The following RPS3 variants were observed in gnomAD, a reference collection of about 807,000 sequenced individuals.
The protein encoded by RPS3 is small ribosomal subunit protein uS3.
Under a neutral mutation model 25.8 loss-of-function variants are expected in RPS3, and 2 were observed. That is an observed-to-expected ratio of 0.08 (90% CI 0.03 to 0.24). The LOEUF (loss-of-function observed/expected upper bound fraction) is 0.24, where lower values mean the gene tolerates loss of function less well. Ranked by LOEUF, RPS3 falls within the 10% of genes least tolerant of loss-of-function variation. RPS3 has a pLI of 1.00. For synonymous variants in RPS3, 114 were observed against 114.2 expected, an observed-to-expected ratio of 1.00 and a Z score of 0.01; for missense variants, 107 against 307.1, an observed-to-expected ratio of 0.35 and a Z score of 4.87.
chr11:75,417,539 G>C (rs924024210), intron 6 of RPS3, among the ~76,000 whole-genome samples: 2 of 152,258 alleles, frequency 1.3e-5, no homozygotes, highest in Non-Finnish European at 2.9e-5. Context: ...GGAGGTTACA[G>C]TGAGCCGAGA....
At chr11:75,411,351 A>G (rs989897367), downstream of RPS3, among the ~76,000 whole-genome samples, 8 of 152,028 alleles carry the variant, frequency 5.3e-5, no homozygotes, top group African/African-American at 1.9e-4. Context: ...CCTAGACAGT[A>G]TAATGAAAAG....
chr11:75,420,271 G>C (rs1229469623), intron 6 of RPS3, among the ~76,000 whole-genome samples: 2 of 152,178 alleles, frequency 1.3e-5, no homozygotes, highest in Non-Finnish European at 2.9e-5. Context: ...AGCACACCTG[G>C]GGTGTCACCT....
In RPS3 at chr11:75,417,563, T is replaced by C. The variant is rs187089192; in HGVS notation, c.*4-4164T>C. Among the ~76,000 whole-genome samples the C allele has an allele frequency of 1.5e-3, 224 of 152,250 alleles. 1 individual carries two copies. The highest frequency in any genetic ancestry group is 6.8e-3 in the Middle Eastern group (2 of 294). ...AGTGAGCCGAGATCGCGCCACTGCA[T>C]TCCAGCCTGGGTGACAGAGTGAGAC... On this transcript the variant is annotated intron_variant, in intron 6 of 6. Transcript: ENST00000527446.
intron 4 of RPS3, chr11:75,403,382 T>C (rs1428733983): frequency 1.3e-5 from 2 of 152,248 alleles, no homozygotes; most frequent in African/African-American, 2.4e-5. Flanking sequence ...GGTGGACCAT[T>C]ATACCACCTC....
intron 2 of RPS3, among the ~76,000 whole-genome samples, chr11:75,401,065 G>A (rs903311460): frequency 1.3e-5 from 2 of 152,092 alleles, no homozygotes. Flanking sequence ...TGTGTTTTTA[G>A]TAGAGTTGGG....
rs146111650 is a variant in RPS3, at chr11:75,404,745, G to C, written c.612G>C (p.Leu204=). The C allele has an allele frequency of 2.5e-6, 4 of 1,613,296 alleles. No homozygotes were observed. In the African/African-American group the frequency reaches 4.0e-5, roughly 16 times the overall value. Residue 204 remains leucine, a synonymous_variant, in exon 6 of 7, where the codon CTG becomes CTC. Transcript: ENST00000531188. The surrounding 1 kb of genome is among the most constrained non-coding windows in gnomAD (Gnocchi z 4.6). The part of the protein sequence containing the change: ...PTGKIGPKKP[L]PDHVSIVEPK... ...GTAAGATTGGCCCTAAGAAGCCCCT[G>C]CCTGACCACGTGAGCATTGTGGAAC...
chr11:75,403,978 T>G (rs1312342788), intron 4 of RPS3, 42 bp from the exon 5 acceptor site: 1 of 1,570,484 alleles, frequency 6.4e-7, no homozygotes. Context: ...TTGGTGGAGG[T>G]CCTTGGCAAT....
At chr11:75,410,077 C>T (rs1200031022), downstream of RPS3, among the ~76,000 whole-genome samples, 1 of 141,936 alleles carries the variant, frequency 7.0e-6, no homozygotes, top group Non-Finnish European at 1.5e-5. Flanking sequence ...GCTGACCCCC[C>T]CCTCCCCCCT....
At chr11:75,418,076 A>G (rs1008140351) in intron 6 of RPS3, among the ~76,000 whole-genome samples, 3 of 152,210 alleles carry the variant, frequency 2.0e-5, no homozygotes, top group African/African-American at 7.2e-5. Context: ...GGGTGTTTGC[A>G]GCCTCACAGC....
intron 6 of RPS3, among the ~76,000 whole-genome samples, chr11:75,413,821 G>A (rs1948376551): frequency 6.6e-6 from 1 of 152,158 alleles, no homozygotes; most frequent in African/African-American, 2.4e-5. Context: ...GTATCTGCAA[G>A]CAAAAGAAGA....
chr11:75,414,753 G>A (rs1948383139), intron 6 of RPS3, among the ~76,000 whole-genome samples: 1 of 152,266 alleles, frequency 6.6e-6, no homozygotes. Context: ...GGCAAGGAGA[G>A]AACACCTGCT....
rs111486717 is a variant in RPS3, at chr11:75,399,580, G to A, written c.30+3G>A. The stretch of plus-strand genomic sequence containing the variant: ...TGCAAATATCCAAGAAGAGGAAGGT[G>A]AGCCTCTGGGGACTGGGTTCGGAGA... On this transcript the variant is annotated splice_donor_region_variant and intron_variant, in intron 1 of 6. Coordinates refer to ENST00000531188, the MANE Select transcript of RPS3 (RefSeq NM_001005.5). 1 of 1,613,212 alleles carries A rather than the reference G, an allele frequency of 6.2e-7. No individual in the cohort carries two copies. The highest frequency in any genetic ancestry group is 1.3e-5 in the African/African-American group (1 of 74,934).
intron 6 of RPS3, among the ~76,000 whole-genome samples, chr11:75,419,936 G>A (rs115977931): frequency 1.7e-3 from 263 of 152,312 alleles, no homozygotes; most frequent in African/African-American, 6.1e-3. Context: ...AATAAATCTT[G>A]TTCTTTGGAA....
chr11:75,405,492 C>T (rs1948274239), intron 6 of RPS3, 122 bp from the exon 7 acceptor site: 1 of 397,736 alleles, frequency 2.5e-6, no homozygotes. Flanking sequence ...AGGACAAACC[C>T]TTATGTATGC....
At chr11:75,408,213 C>T (rs1200046242), downstream of RPS3, among the ~76,000 whole-genome samples, 2 of 152,058 alleles carry the variant, frequency 1.3e-5, no homozygotes, top group African/African-American at 2.4e-5. Context: ...TTAAAAATGC[C>T]AAAATATGTC....
chr11:75,399,584 C>G lies in RPS3; in HGVS notation c.30+7C>G. The G allele has an allele frequency of 6.2e-7, 1 of 1,613,024 alleles. No homozygotes were observed. Among genetic ancestry groups the G allele is most frequent in the Non-Finnish European group, 8.5e-7 (1 of 1,179,126 alleles). ...AATATCCAAGAAGAGGAAGGTGAGC[C>G]TCTGGGGACTGGGTTCGGAGAACGA... On this transcript the variant is annotated splice_region_variant and intron_variant, in intron 1 of 6. Transcript: ENST00000531188.
downstream of RPS3, among the ~76,000 whole-genome samples, chr11:75,409,841 G>C (rs1440027865): frequency 7.1e-6 from 1 of 140,670 alleles, no homozygotes; most frequent in Non-Finnish European, 1.6e-5. Flanking sequence ...CCTCCCGGAC[G>C]GGGCGGCTGG....
chr11:75,414,783 G>T (rs1948383498), intron 6 of RPS3, among the ~76,000 whole-genome samples: 1 of 152,194 alleles, frequency 6.6e-6, no homozygotes, highest in Non-Finnish European at 1.5e-5. Flanking sequence ...AGCTCTTGGG[G>T]ATAGACCCAG....
chr11:75,400,762 C>G lies in RPS3; in HGVS notation c.99C>G (p.Gly33=), dbSNP rs1269793832. 1 of 1,613,060 alleles carries G rather than the reference C, an allele frequency of 6.2e-7. No homozygotes were observed. The highest frequency in any genetic ancestry group is 8.5e-7 in the Non-Finnish European group (1 of 1,179,892). The change falls in exon 2 of 7, where the codon GGC becomes GGG. Residue 33 remains glycine, a synonymous_variant. Transcript: ENST00000531188. Reference sequence around the variant, plus strand: ...TTACTCGGGAGCTGGCTGAAGATGGCTACTCTGGAGTTGAGGTGCGAGTTA... The same window carrying G: ...TTACTCGGGAGCTGGCTGAAGATGGGTACTCTGGAGTTGAGGTGCGAGTTA... ...EFLTRELAED[G]YSGVEVRVTP...
Sources: allele counts gnomAD v4.1 joint callset (sites outside exome capture counted in the v4.1 genomes callset), GRCh38; gene constraint gnomAD v4.1.1; non-coding constraint Gnocchi (gnomAD v3.1); transcripts MANE v1.5; gene names NCBI Gene and HGNC (gene_info 2026-07-23, HGNC 2026-07-21).